Variants in KANK1 observed in about 807,000 individuals in gnomAD.
The protein encoded by KANK1 is KN motif and ankyrin repeat domain-containing protein 1.
KANK1 carries 109 observed loss-of-function variants against 106.2 expected under a neutral mutation model. The ratio of observed to expected loss-of-function variants is 1.03; its 90% CI spans 0.88 to 1.20. The LOEUF (loss-of-function observed/expected upper bound fraction) is 1.20. Ranked by LOEUF, KANK1 falls within the 50% of genes most tolerant of loss-of-function variation. The pLI, the probability that KANK1 is intolerant of heterozygous loss-of-function variation, is 0.00. For missense variants in KANK1, 2,399 were observed against 1,710.7 expected (o/e 1.40, Z -7.10); for synonymous variants, 873 against 652.2 (o/e 1.34, Z -5.16).
At chr9:487,502 G>A (rs2058312724) in intron 3 of KANK1, among the ~76,000 whole-genome samples, 1 of 152,178 alleles carries the variant, frequency 6.6e-6, no homozygotes. Context: ...TCATTGGGAT[G>A]TCATAACCTC....
At chr9:562,592 C>T (rs1004561733) in intron 1 of KANK1, among the ~76,000 whole-genome samples, 1 of 152,172 alleles carries the variant, frequency 6.6e-6, no homozygotes, top group African/African-American at 2.4e-5. Flanking sequence ...CCTCTCTGAG[C>T]TGTAGTTTCT....
chr9:722,088 C>A (rs1180077278), intron 3 of KANK1, among the ~76,000 whole-genome samples: 1 of 152,216 alleles, frequency 6.6e-6, no homozygotes, highest in Non-Finnish European at 1.5e-5. Context: ...GACCTCCAAG[C>A]TGTCCTTGTT....
At chr9:505,040 C>T (rs1000325316) in intron 1 of KANK1, among the ~76,000 whole-genome samples, 2 of 151,708 alleles carry the variant, frequency 1.3e-5, no homozygotes, top group African/African-American at 2.4e-5. Context: ...CTCGGCCGGT[C>T]TGGAGGAGGG....
chr9:564,648 C>G (rs1023183406), intron 1 of KANK1, among the ~76,000 whole-genome samples: 4 of 152,200 alleles, frequency 2.6e-5, no homozygotes. Flanking sequence ...CCCATGCCTA[C>G]TTTTGGTGTT....
In KANK1 at chr9:730,255, T is replaced by G; in HGVS notation, c.2896+7T>G. ...ATCGCCGCTGGCCTCTATGGTAACT[T>G]TTCTCACTCACAGTCATTGGCATCA... On this transcript the variant is annotated splice_region_variant and intron_variant, in intron 4 of 11. Coordinates refer to ENST00000382297, the MANE Select transcript of KANK1 (RefSeq NM_015158.5). The G allele has an allele frequency of 1.9e-6, 3 of 1,614,024 alleles. No homozygotes were observed. Among genetic ancestry groups the G allele is most frequent in the Non-Finnish European group, 1.7e-6 (2 of 1,179,882 alleles).
In KANK1 at chr9:687,021, ATTTCT is replaced by A. The variant is rs60015547; in HGVS notation, c.37+10026_37+10030del. ...GATGAGACTTTGCAGATACTGCTGA[ATTTCT>A]TTTCTTTTCTTTTTTTTTAATACTG... On this transcript the variant is annotated intron_variant, in intron 2 of 11. Transcript: ENST00000382297. 1,722 of 645,894 alleles carry A rather than the reference ATTTCT, an allele frequency of 2.7e-3. 4 individuals are homozygous for A. Among genetic ancestry groups the A allele is most frequent in the Non-Finnish European group, 3.1e-3 (1,630 of 525,118 alleles). 40.0% of individuals were successfully genotyped at this position (645,894 alleles called of 1,614,324 possible). A position where few individuals can be genotyped will look rare whatever the true frequency, so the allele number is the denominator to read the frequency against.
chr9:538,953 T>C (rs2060446307), intron 1 of KANK1, among the ~76,000 whole-genome samples: 1 of 152,212 alleles, frequency 6.6e-6, no homozygotes, highest in Non-Finnish European at 1.5e-5. Flanking sequence ...CAATCTCAGC[T>C]CACTGCAGCC....
At chr9:531,653 A>C (rs1429497238) in intron 1 of KANK1, among the ~76,000 whole-genome samples, 1 of 152,210 alleles carries the variant, frequency 6.6e-6, no homozygotes, top group Non-Finnish European at 1.5e-5. Flanking sequence ...TCAGTAGTTA[A>C]CTGGAGTACA....
chr9:684,707 GAT>G (rs1162283160), intron 2 of KANK1: 1 of 386,808 alleles, frequency 2.6e-6, no homozygotes, highest in East Asian at 1.8e-4. Flanking sequence ...CTGTGTCTGG[GAT>G]AATTTCAGTT....
intron 3 of KANK1, chr9:478,153 G>T (rs2282039): frequency 0.15 from 27,493 of 188,100 alleles, 3,189 homozygotes; most frequent in East Asian, 0.5. Flanking sequence ...CAAGCACAGT[G>T]GAAATGCCAT....
chr9:588,847 A>G (rs563544868), intron 1 of KANK1, among the ~76,000 whole-genome samples: 2 of 152,310 alleles, frequency 1.3e-5, no homozygotes, highest in East Asian at 1.9e-4. Context: ...GTACTTTAGA[A>G]CAGTGCCTGA....
At chr9:650,547 C>G (rs1478803386) in intron 1 of KANK1, among the ~76,000 whole-genome samples, 1 of 152,104 alleles carries the variant, frequency 6.6e-6, no homozygotes, top group Non-Finnish European at 1.5e-5. Flanking sequence ...CAGGCCATGA[C>G]TTGAGTAGCA....
At chr9:473,868 T>C (rs372330964) in intron 3 of KANK1, among the ~76,000 whole-genome samples, 1 of 152,064 alleles carries the variant, frequency 6.6e-6, no homozygotes, top group African/African-American at 2.4e-5. Context: ...CCTAGCTAAT[T>C]TTTGTATTTT....
intron 1 of KANK1, among the ~76,000 whole-genome samples, chr9:555,325 C>G (rs1401384963): frequency 1.3e-5 from 2 of 152,158 alleles, no homozygotes; most frequent in South Asian, 2.1e-4. Context: ...GGACACCTGC[C>G]TCCCCTACCT....
At position 521,298 on chromosome 9, in the gene KANK1, GT is replaced by G. The variant is rs954166786; in HGVS notation, c.-84+16545del. Among the ~76,000 whole-genome samples, 24 of 151,658 alleles carry G rather than the reference GT, an allele frequency of 1.6e-4. 1 individual carries two copies. The highest frequency in any genetic ancestry group is 5.9e-4 in the African/African-American group (24 of 40,960). On this transcript the variant is annotated intron_variant, in intron 1 of 11. Coordinates refer to ENST00000382297, the MANE Select transcript of KANK1 (RefSeq NM_015158.5). ...ACCCTCACACTCCTTTTTATGAGGT[GT>G]GGGGGCCATCTACTTAGGCAAGAGT...
intron 1 of KANK1, among the ~76,000 whole-genome samples, chr9:644,965 C>G (rs1839317151): frequency 6.7e-6 from 1 of 149,766 alleles, no homozygotes; most frequent in African/African-American, 2.5e-5. Context: ...TACTAAAATA[C>G]AAAAGAATAT....
At chr9:717,252 A>G (rs1827975818) in intron 3 of KANK1, among the ~76,000 whole-genome samples, 1 of 152,086 alleles carries the variant, frequency 6.6e-6, no homozygotes, top group African/African-American at 2.4e-5. Context: ...CACCCACTCT[A>G]GCCTGGGTGA....
intron 1 of KANK1, among the ~76,000 whole-genome samples, chr9:630,476 G>A (rs949959666): frequency 3.9e-5 from 6 of 151,902 alleles, no homozygotes; most frequent in Admixed American, 6.6e-5. Flanking sequence ...GCGTAAACCC[G>A]GGAGGCGGAG....
intron 1 of KANK1, among the ~76,000 whole-genome samples, chr9:643,737 C>G (rs1588515490): frequency 6.7e-6 from 1 of 150,018 alleles, no homozygotes; most frequent in South Asian, 2.1e-4. Flanking sequence ...GAGTCTCGCT[C>G]TGTTGCCCAG....
Sources: gnomAD v4.1 joint callset for allele counts (sites outside exome capture counted in the v4.1 genomes callset) on GRCh38, gnomAD v4.1.1 for gene constraint, MANE v1.5 for transcripts, NCBI Gene and HGNC (gene_info 2026-07-23, HGNC 2026-07-21) for gene names.